The following YTHDF2 variants were observed in gnomAD, a reference collection of about 807,000 sequenced individuals.
YTHDF2 encodes the protein YTH N6-methyladenosine RNA binding protein F2, also known as YTH domain-containing family protein 2.
YTHDF2 carries 2 observed loss-of-function variants against 50.4 expected under a neutral mutation model. The ratio of observed to expected loss-of-function variants is 0.04; its 90% CI spans 0.02 to 0.12. The LOEUF (loss-of-function observed/expected upper bound fraction) is 0.12, where lower values mean the gene tolerates loss of function less well. Among genes scored for constraint, YTHDF2 ranks in the 10% least tolerant of loss-of-function variants. The pLI, the probability that YTHDF2 is intolerant of heterozygous loss-of-function variation, is 1.00. For missense variants in YTHDF2, 483 were observed against 722.6 expected (o/e 0.67, Z 3.80); for synonymous variants, 217 against 255.6 (o/e 0.85, Z 1.44).
chr1:28,736,866 C>G, upstream of YTHDF2: 1 of 369,004 alleles, frequency 2.7e-6, no homozygotes. Flanking sequence ...CTCCGCTGTT[C>G]GGCGCTCTGC....
At chr1:28,738,788 A>T (rs1229518125) in intron 3 of YTHDF2, among the ~76,000 whole-genome samples, 6 of 152,174 alleles carry the variant, frequency 3.9e-5, no homozygotes, top group African/African-American at 1.2e-4. Flanking sequence ...CTCTATCAGG[A>T]AATCCCATGT....
chr1:28,755,345 A>G (rs1027837382), intron 4 of YTHDF2, among the ~76,000 whole-genome samples: 3 of 152,190 alleles, frequency 2.0e-5, no homozygotes, highest in Non-Finnish European at 4.4e-5. Context: ...AGATTCTTGT[A>G]ATAAGAATGG....
intron 3 of YTHDF2, chr1:28,740,524 T>C (rs1409705047): frequency 8.5e-5 from 13 of 152,210 alleles, no homozygotes; most frequent in Admixed American, 8.5e-4. Flanking sequence ...ATCTACTTTT[T>C]AGCCAATTTT....
intron 4 of YTHDF2, among the ~76,000 whole-genome samples, chr1:28,755,171 A>G (rs1238185197): frequency 5.3e-5 from 8 of 152,054 alleles, no homozygotes; most frequent in Non-Finnish European, 5.9e-5. Flanking sequence ...TAGGGTTAGG[A>G]TTTGGGGTTG....
intron 4 of YTHDF2, among the ~76,000 whole-genome samples, chr1:28,757,542 G>T (rs1385318361): frequency 6.6e-6 from 1 of 152,150 alleles, no homozygotes; most frequent in African/African-American, 2.4e-5. Context: ...ATCACTTGGT[G>T]TACTACATGA....
chr1:28,744,228 A>T (rs376263619), intron 4 of YTHDF2, among the ~76,000 whole-genome samples: 1 of 152,342 alleles, frequency 6.6e-6, no homozygotes. Context: ...GTACAAGGAA[A>T]TCAGACAGAA....
rs146953649 is a variant in YTHDF2 at position 28,756,852 on chromosome 1, T to C, written c.1717-12077T>C. Reference sequence around the variant, plus strand: ...GATGAAGGACTGTTCTTATAGTTCCTTAGGAGTTTATGCAGAGGAGAAAAA... The same window carrying C: ...GATGAAGGACTGTTCTTATAGTTCCCTAGGAGTTTATGCAGAGGAGAAAAA... On this transcript the variant is annotated intron_variant, in intron 4 of 4. Transcript: ENST00000373812. Among the ~76,000 whole-genome samples the C allele has an allele frequency of 3.9e-5, 6 of 152,312 alleles. No individual in the cohort carries two copies. In the East Asian group the frequency reaches 1.2e-3, roughly 29 times the overall value.
intron 4 of YTHDF2, among the ~76,000 whole-genome samples, chr1:28,759,542 G>C (rs1052174762): frequency 1.3e-5 from 2 of 152,160 alleles, no homozygotes; most frequent in Non-Finnish European, 2.9e-5. Flanking sequence ...GGTATAATCT[G>C]TTGTTCCTAG....
chr1:28,744,600 G>A (rs1463056228), intron 4 of YTHDF2, among the ~76,000 whole-genome samples: 1 of 152,210 alleles, frequency 6.6e-6, no homozygotes, highest in Non-Finnish European at 1.5e-5. Context: ...TGAGTATTGA[G>A]TGAATGTAAA....
At chr1:28,754,035 G>C (rs1251366948) in intron 4 of YTHDF2, among the ~76,000 whole-genome samples, 1 of 152,094 alleles carries the variant, frequency 6.6e-6, no homozygotes, top group Non-Finnish European at 1.5e-5. Flanking sequence ...CTGTGTTTTA[G>C]TTTGGTTGTA....
intron 4 of YTHDF2, among the ~76,000 whole-genome samples, chr1:28,751,591 CCT>C (rs1270142887): frequency 5.9e-5 from 9 of 152,272 alleles, no homozygotes; most frequent in Admixed American, 3.9e-4. Context: ...AGATAAAACG[CCT>C]CTTTCTGCAG....
At chr1:28,747,218 T>C (rs933577964) in intron 4 of YTHDF2, among the ~76,000 whole-genome samples, 3 of 152,178 alleles carry the variant, frequency 2.0e-5, no homozygotes, top group Admixed American at 1.3e-4. Context: ...AATGTTTTCA[T>C]AGAATGAGTG....
intron 4 of YTHDF2, among the ~76,000 whole-genome samples, chr1:28,758,119 T>TTCATACTTATTTAA (rs1430556181): frequency 6.0e-4 from 91 of 152,320 alleles, no homozygotes; most frequent in African/African-American, 2.1e-3. Flanking sequence ...TTAAAATTGC[T>TTCATACTTATTTAA]AACTGGCCGG....
intron 4 of YTHDF2, among the ~76,000 whole-genome samples, chr1:28,752,752 A>G (rs1225610435): frequency 1.3e-5 from 2 of 152,054 alleles, no homozygotes; most frequent in South Asian, 4.1e-4. Context: ...TTTCAATAAC[A>G]CAAAAATTTG....
intron 4 of YTHDF2, among the ~76,000 whole-genome samples, chr1:28,761,131 A>ATTTTTTTTT (rs56876999): frequency 3.3e-5 from 3 of 91,444 alleles, no homozygotes; most frequent in Admixed American, 3.0e-4. Flanking sequence ...GTGTGTGTGT[A>ATTTTTTTTT]TTTTTTTTTT....
chr1:28,744,505 G>A (rs2087829394), intron 4 of YTHDF2, among the ~76,000 whole-genome samples: 1 of 152,164 alleles, frequency 6.6e-6, no homozygotes, highest in African/African-American at 2.4e-5. Flanking sequence ...GATTTCCTCT[G>A]TAACAAGTGG....
intron 4 of YTHDF2, among the ~76,000 whole-genome samples, chr1:28,757,573 C>T (rs997590774): frequency 2.4e-5 from 3 of 126,570 alleles, no homozygotes; most frequent in South Asian, 2.4e-4. Context: ...AGAAGATAGA[C>T]TTAAAAGCTC....
chr1:28,763,894 T>C (rs2088174879), intron 4 of YTHDF2, among the ~76,000 whole-genome samples: 1 of 150,328 alleles, frequency 6.7e-6, no homozygotes, highest in Non-Finnish European at 1.5e-5. Flanking sequence ...CTATTATATA[T>C]ACTTTAACTC....
At chr1:28,760,606 C>T (rs931765063) in intron 4 of YTHDF2, among the ~76,000 whole-genome samples, 1 of 151,586 alleles carries the variant, frequency 6.6e-6, no homozygotes, top group South Asian at 2.1e-4. Flanking sequence ...GAGACAGAAT[C>T]TCACTCTGTT....
Sources: gnomAD v4.1 joint callset for allele counts (sites outside exome capture counted in the v4.1 genomes callset) on GRCh38, gnomAD v4.1.1 for gene constraint, MANE v1.5 for transcripts, NCBI Gene and HGNC (gene_info 2026-07-23, HGNC 2026-07-21) for gene names.